The following CHD9 variants were observed in gnomAD, a reference collection of about 807,000 sequenced individuals.
CHD9 encodes ATP-dependent chromatin remodeler CHD9.
A neutral mutation model predicts 316.1 loss-of-function variants in CHD9; 77 were observed. That is an observed-to-expected ratio of 0.24 (90% confidence interval 0.20 to 0.29). The LOEUF is 0.29. Ranked by LOEUF, CHD9 falls within the 10% of genes least tolerant of loss-of-function variation. The probability of loss-of-function intolerance (pLI) is 1.00; values close to 1 mark genes in which losing one functional copy is unlikely to be tolerated. For missense variants in CHD9, 2,763 were observed against 3,438.1 expected (o/e 0.80, Z 4.91); for synonymous variants, 1,129 against 1,158.3 (o/e 0.97, Z 0.51).
In CHD9 at chr16:53,306,401, A is replaced by G; in HGVS notation, c.6780+4A>G. The G allele has an allele frequency of 6.4e-7, 1 of 1,560,726 alleles. No homozygotes were observed. The highest frequency in any genetic ancestry group is 8.6e-7 in the Non-Finnish European group (1 of 1,159,262). On this transcript the variant is annotated splice_donor_region_variant and intron_variant, in intron 32 of 38. Coordinates refer to ENST00000447540, the MANE Select transcript of CHD9 (RefSeq NM_001308319.2). ...GGCAGCCTCGTATTGGCCAAAGGTA[A>G]AGAAATAATTTCTTATTGGGATAGG...
intron 2 of CHD9, among the ~76,000 whole-genome samples, chr16:53,173,249 T>G (rs1161071878): frequency 6.8e-6 from 1 of 147,368 alleles, no homozygotes; most frequent in Non-Finnish European, 1.5e-5. Context: ...TGTGTCTTTT[T>G]GAGTGAGTTT....
chr16:53,149,447 G>A (rs1259879716), intron 1 of CHD9, among the ~76,000 whole-genome samples: 1 of 151,934 alleles, frequency 6.6e-6, no homozygotes, highest in Non-Finnish European at 1.5e-5. Context: ...CATAAATTTT[G>A]TGGGTCTGTT....
At chr16:53,181,722 A>G (rs982865586) in intron 2 of CHD9, among the ~76,000 whole-genome samples, 4 of 152,182 alleles carry the variant, frequency 2.6e-5, no homozygotes, top group Non-Finnish European at 5.9e-5. Flanking sequence ...GCACTGTTTA[A>G]TTTATTTAGT....
intron 2 of CHD9, among the ~76,000 whole-genome samples, chr16:53,161,041 T>C (rs2041871378): frequency 6.6e-6 from 1 of 152,136 alleles, no homozygotes; most frequent in African/African-American, 2.4e-5. Context: ...GCTGTGATTG[T>C]GTTGCTCCAC....
At position 53,324,908 on chromosome 16, in the gene CHD9, G is replaced by T; in HGVS notation, c.*13G>T. ...TAATGAAGACTGATTCCCAGACTCTGCACTTAAAATATGAACTGATTTTGG... is the reference window on the plus strand; with the variant it reads ...TAATGAAGACTGATTCCCAGACTCTTCACTTAAAATATGAACTGATTTTGG... On this transcript the variant is annotated 3_prime_UTR_variant, in exon 39 of 39. Transcript: ENST00000447540. 6.5e-7 allele frequency: 1 copy of T among 1,547,690 alleles called. No individual in the cohort carries two copies.
In CHD9 at chr16:53,229,065, T is replaced by C. The variant is rs78343231; in HGVS notation, c.2251T>C (p.Leu751=). The C allele has an allele frequency of 3.8e-6, 6 of 1,592,590 alleles. No homozygotes were observed. Among genetic ancestry groups the C allele is most frequent in the East Asian group, 4.5e-5 (2 of 44,186 alleles). ...RIQQKIKRFK[L]RQAQRAHFFA... is the part of the protein sequence containing the mutation. ...CCAGCAGAAAATCAAACGATTCAAA[T>C]TGAGACAAGCACAAAGAGCACATTT... The change falls in exon 8 of 39, where the codon TTG becomes CTG. Residue 751 remains leucine (L), a synonymous_variant. Transcript: ENST00000447540.
chr16:53,266,523 A>G (rs938134782), intron 20 of CHD9, among the ~76,000 whole-genome samples: 2 of 152,188 alleles, frequency 1.3e-5, no homozygotes, highest in Non-Finnish European at 2.9e-5. Flanking sequence ...TCTTTCTAGT[A>G]TCACTACTTT....
At position 53,324,499 on chromosome 16, in the gene CHD9, A is replaced by G. The variant is rs1377398559; in HGVS notation, c.8298A>G (p.Gly2766=). The change falls in exon 39 of 39, where the codon GGA becomes GGG. Residue 2766 remains glycine, a synonymous_variant. Transcript: ENST00000447540. ...AGAGCCAAAGTTCAGAGAATGGTGGAGAAAACTCTGTGTCAAGTTCTCCTT... is the reference window on the plus strand; with the variant it reads ...AGAGCCAAAGTTCAGAGAATGGTGGGGAAAACTCTGTGTCAAGTTCTCCTT... ...RTESQSSENG[G]ENSVSSSPST... The G allele has an allele frequency of 6.2e-7, 1 of 1,613,960 alleles. No individual in the cohort carries two copies. Among genetic ancestry groups the G allele is most frequent in the East Asian group, 2.2e-5 (1 of 44,878 alleles).
At chr16:53,055,691 GCCC>G (rs777266675) in intron 1 of CHD9, among the ~76,000 whole-genome samples, 10 of 152,008 alleles carry the variant, frequency 6.6e-5, no homozygotes, top group Non-Finnish European at 1.0e-4. Context: ...CCTCCAGTTC[GCCC>G]TCCTCCTCCT....
intron 15 of CHD9, among the ~76,000 whole-genome samples, chr16:53,246,164 G>A (rs1030240268): frequency 1.3e-5 from 2 of 152,130 alleles, no homozygotes; most frequent in Non-Finnish European, 2.9e-5. Context: ...TTTTTTCCTG[G>A]TTTCCTTCCA....
At chr16:53,140,272 C>G (rs1284287009) in intron 1 of CHD9, among the ~76,000 whole-genome samples, 1 of 152,028 alleles carries the variant, frequency 6.6e-6, no homozygotes, top group Non-Finnish European at 1.5e-5. Context: ...GCCTGGCCAA[C>G]ATGGCAAAAC....
intron 1 of CHD9, among the ~76,000 whole-genome samples, chr16:53,079,505 T>C (rs1363962653): frequency 6.6e-6 from 1 of 152,194 alleles, no homozygotes; most frequent in East Asian, 1.9e-4. Flanking sequence ...GGTACACAGC[T>C]CCTACATCCC....
intron 1 of CHD9, among the ~76,000 whole-genome samples, chr16:53,123,051 T>A (rs964143715): frequency 6.6e-6 from 1 of 150,688 alleles, no homozygotes; most frequent in African/African-American, 2.4e-5. Context: ...TTAGTACAGA[T>A]GGGGATTCAC....
chr16:53,231,542 AATCTGAAACTTTCC>A, intron 9 of CHD9, 37 bp downstream of exon 9: 1 of 1,427,574 alleles, frequency 7.0e-7, no homozygotes. Context: ...AAGTAAGAAA[AATCTGAAACTTTCC>A]AAGTATTAAG....
intron 1 of CHD9, among the ~76,000 whole-genome samples, chr16:53,109,772 C>T (rs1030674957): frequency 7.1e-6 from 1 of 141,414 alleles, no homozygotes; most frequent in African/African-American, 2.6e-5. Context: ...GCAAGCTCCG[C>T]CTCCCGTATT....
In CHD9 at chr16:53,126,907, G is replaced by T. The variant is rs867942574; in HGVS notation, c.-164-29019G>T. ...TTGGTCAGGCTGGTCTTGAGCTCCT[G>T]ACCTCAGGTGATCCACCCACCTCGG... On this transcript the variant is annotated intron_variant, in intron 1 of 38. Transcript: ENST00000447540. Among the ~76,000 whole-genome samples the T allele has an allele frequency of 3.9e-5, 6 of 152,042 alleles. 1 individual carries two copies. The highest frequency in any genetic ancestry group is 2.1e-4 in the South Asian group (1 of 4,828).
chr16:53,144,445 C>T (rs61085431), intron 1 of CHD9, among the ~76,000 whole-genome samples: 4,924 of 151,866 alleles, frequency 0.032, 99 homozygotes, highest in Middle Eastern at 0.071. Context: ...TGTTTTGGGG[C>T]AATAAAATTT....
intron 2 of CHD9, among the ~76,000 whole-genome samples, chr16:53,177,764 A>C (rs1363953296): frequency 6.6e-6 from 1 of 152,216 alleles, no homozygotes; most frequent in Non-Finnish European, 1.5e-5. Context: ...CCAGTAAACT[A>C]TGTTCTTTCC....
chr16:53,121,690 T>C lies in CHD9; in HGVS notation c.-164-34236T>C, dbSNP rs1400403389. 3 of 215,414 alleles carry C rather than the reference T, an allele frequency of 1.4e-5. No individual in the cohort carries two copies. In the Admixed American group the frequency reaches 1.6e-4, roughly 12 times the overall value. 13.3% of individuals were successfully genotyped at this position (215,414 alleles called of 1,614,324 possible). On this transcript the variant is annotated intron_variant, in intron 1 of 38. Coordinates refer to ENST00000447540, the MANE Select transcript of CHD9 (RefSeq NM_001308319.2). ...GTGCTGAGCATGCTTTTAAATGATC[T>C]TTGAGGTACTTTAAGCTAGCTACAC... is the stretch of plus-strand genomic sequence containing the variant.
Sources: gnomAD v4.1 joint callset for allele counts (sites outside exome capture counted in the v4.1 genomes callset) on GRCh38, gnomAD v4.1.1 for gene constraint, MANE v1.5 for transcripts, NCBI Gene and HGNC (gene_info 2026-07-23, HGNC 2026-07-21) for gene names.